ZFHX3: variants seen among roughly 807,000 people sequenced by gnomAD.
ZFHX3 encodes the protein zinc finger homeobox 3.
In ZFHX3, 42 loss-of-function variants were observed where a neutral mutation model predicts 279.1. The ratio of observed to expected loss-of-function variants is 0.15; its 90% CI spans 0.12 to 0.19. The LOEUF (loss-of-function observed/expected upper bound fraction) is 0.19, where lower values mean the gene tolerates loss of function less well. Among genes scored for constraint, ZFHX3 ranks in the 10% least tolerant of loss-of-function variants. The pLI is 1.00. For missense variants in ZFHX3, 4,981 were observed against 4,754.0 expected (o/e 1.05, Z -1.40); for synonymous variants, 2,293 against 1,957.8 (o/e 1.17, Z -4.52).
intron 2 of ZFHX3, among the ~76,000 whole-genome samples, chr16:73,634,799 G>A (rs956735915): frequency 6.6e-6 from 1 of 152,050 alleles, no homozygotes; most frequent in Non-Finnish European, 1.5e-5. Context: ...AAAGATAAAG[G>A]AACAGGACTA....
At chr16:73,773,293 A>T (rs764636223) in intron 1 of ZFHX3, among the ~76,000 whole-genome samples, 5 of 152,214 alleles carry the variant, frequency 3.3e-5, no homozygotes, top group African/African-American at 4.8e-5. Flanking sequence ...TGTGTCCCAC[A>T]GTCTCCCTTT....
chr16:73,295,558 G>C lies in ZFHX3; in HGVS notation c.-1194+22682C>G, dbSNP rs373964660. 3.2e-4 allele frequency among the ~76,000 whole-genome samples: 48 copies of C among 152,360 alleles called. No individual in the cohort carries two copies. The East Asian group carries it at 5.8e-3, about 18-fold the overall frequency. On this transcript the variant is annotated intron_variant, in intron 4 of 17. Coordinates refer to the ZFHX3 transcript ENST00000641206. ...CAACCTCTTGCATGCGCAATCTGCA[G>C]AATTTTTAGGGTTGCCTGGTTTCCA... is the stretch of plus-strand genomic sequence containing the variant.
chr16:73,163,805 T>A (rs1567406981), intron 5 of ZFHX3, among the ~76,000 whole-genome samples: 1 of 152,198 alleles, frequency 6.6e-6, no homozygotes, highest in Non-Finnish European at 1.5e-5. Context: ...ACTTTCCATA[T>A]CAATATTTTA....
chr16:73,298,492 T>C (rs1191941954), intron 4 of ZFHX3, among the ~76,000 whole-genome samples: 1 of 150,288 alleles, frequency 6.7e-6, no homozygotes, highest in Non-Finnish European at 1.5e-5. Context: ...CCTATTTATG[T>C]TGTCGTCGTT....
intron 1 of ZFHX3, among the ~76,000 whole-genome samples, chr16:73,703,895 T>C (rs1234048817): frequency 6.6e-6 from 1 of 152,078 alleles, no homozygotes; most frequent in Admixed American, 6.6e-5. Flanking sequence ...AAAAGCAAGG[T>C]GAAAGAGGGC....
intron 1 of ZFHX3, among the ~76,000 whole-genome samples, chr16:73,788,708 A>G (rs1260184228): frequency 2.6e-5 from 4 of 151,926 alleles, no homozygotes; most frequent in Non-Finnish European, 5.9e-5. Flanking sequence ...GTAGGGGAAT[A>G]GGAAAATATA....
At chr16:73,271,203 C>A (rs1479401400) in intron 4 of ZFHX3, among the ~76,000 whole-genome samples, 1 of 152,168 alleles carries the variant, frequency 6.6e-6, no homozygotes, top group South Asian at 2.1e-4. Flanking sequence ...AGGCTACAAG[C>A]CACCGGGAAA....
rs552464706 is a variant in ZFHX3, at chr16:73,819,006, T to C, written c.-1608+72645A>G. On this transcript the variant is annotated intron_variant, in intron 1 of 17. Transcript: ENST00000641206. ...TGGTACTTTTGTCTGGGAAGCACAA[T>C]GAAGTTGATCTCTGTGTCCAAGCAC... Among the ~76,000 whole-genome samples the C allele has an allele frequency of 7.2e-4, 110 of 152,254 alleles. 1 individual carries two copies. Among genetic ancestry groups the C allele is most frequent in the Middle Eastern group, 3.4e-3 (1 of 294 alleles).
At chr16:73,681,494 C>T (rs1476788894) in intron 1 of ZFHX3, among the ~76,000 whole-genome samples, 1 of 151,994 alleles carries the variant, frequency 6.6e-6, no homozygotes. Context: ...GGGAGAAAGC[C>T]GAGAGATAAA....
At chr16:73,280,354 T>C (rs1413516132) in intron 4 of ZFHX3, among the ~76,000 whole-genome samples, 1 of 152,176 alleles carries the variant, frequency 6.6e-6, no homozygotes, top group Non-Finnish European at 1.5e-5. Flanking sequence ...GCCATATATC[T>C]GATAAGAGTT....
At chr16:73,052,708 G>GA (rs1476989509), upstream of ZFHX3, among the ~76,000 whole-genome samples, 4 of 152,132 alleles carry the variant, frequency 2.6e-5, no homozygotes, top group Admixed American at 6.5e-5. Context: ...AAGAATGGAT[G>GA]AAAAAAAGAA....
At chr16:72,909,506 T>A (rs528844009) in intron 3 of ZFHX3, among the ~76,000 whole-genome samples, 1 of 152,128 alleles carries the variant, frequency 6.6e-6, no homozygotes, top group African/African-American at 2.4e-5. Flanking sequence ...AGGGAACATA[T>A]ACATTATCTT....
intron 7 of ZFHX3, among the ~76,000 whole-genome samples, chr16:73,113,739 G>A (rs1174176129): frequency 6.6e-6 from 1 of 151,566 alleles, no homozygotes; most frequent in East Asian, 1.9e-4. Flanking sequence ...ACATTACATG[G>A]GCGGAAGGTT....
At chr16:73,776,313 C>T (rs1959243265) in intron 1 of ZFHX3, among the ~76,000 whole-genome samples, 1 of 152,098 alleles carries the variant, frequency 6.6e-6, no homozygotes, top group South Asian at 2.1e-4. Context: ...AACAACTCCA[C>T]CTTCCCACAA....
intron 1 of ZFHX3, among the ~76,000 whole-genome samples, chr16:73,735,908 T>G (rs1310553915): frequency 5.2e-4 from 79 of 151,882 alleles, no homozygotes; most frequent in Non-Finnish European, 7.2e-4. Context: ...TTTTTTTTTT[T>G]TTTTTTTTAA....
At chr16:73,501,425 C>T (rs2143665557) in intron 2 of ZFHX3, among the ~76,000 whole-genome samples, 1 of 152,288 alleles carries the variant, frequency 6.6e-6, no homozygotes, top group South Asian at 2.1e-4. Context: ...CAGCACATCT[C>T]AAGAAAAAAA....
intron 2 of ZFHX3, among the ~76,000 whole-genome samples, chr16:73,647,544 C>T (rs1729483164): frequency 6.6e-6 from 1 of 152,150 alleles, no homozygotes; most frequent in Non-Finnish European, 1.5e-5. Flanking sequence ...CCTGAGGCCT[C>T]CCAGTCATGC....
chr16:73,020,392 A>G (rs543411991), intron 1 of ZFHX3, among the ~76,000 whole-genome samples: 158 of 138,600 alleles, frequency 1.1e-3, no homozygotes, highest in Non-Finnish European at 2.0e-3. Context: ...GATTTCTCAC[A>G]AGAAATTTCC....
chr16:73,534,646 T>A (rs918049291), intron 2 of ZFHX3, among the ~76,000 whole-genome samples: 1 of 152,214 alleles, frequency 6.6e-6, no homozygotes, highest in South Asian at 2.1e-4. Context: ...ATGATAGGTG[T>A]TCTGAGGATC....
Sources: gnomAD v4.1 joint callset for allele counts (sites outside exome capture counted in the v4.1 genomes callset) on GRCh38, gnomAD v4.1.1 for gene constraint, MANE v1.5 for transcripts, NCBI Gene and HGNC (gene_info 2026-07-23, HGNC 2026-07-21) for gene names.